The following EBF2 variants were observed in gnomAD, a reference collection of about 807,000 sequenced individuals.
EBF2 encodes the protein transcription factor COE2.
In EBF2, 21 loss-of-function variants were observed where a neutral mutation model predicts 72.8. The ratio of observed to expected loss-of-function variants is 0.29; its 90% CI spans 0.20 to 0.42. The LOEUF is 0.42. Ranked by LOEUF, EBF2 falls within the 10% of genes least tolerant of loss-of-function variation. The pLI is 1.00. For synonymous variants in EBF2, 299 were observed against 274.2 expected, an observed-to-expected ratio of 1.09 and a Z score of -0.89; for missense variants, 637 against 731.2, an observed-to-expected ratio of 0.87 and a Z score of 1.49.
At chr8:25,888,851 A>G (rs1404452689) in intron 8 of EBF2, among the ~76,000 whole-genome samples, 1 of 152,224 alleles carries the variant, frequency 6.6e-6, no homozygotes, top group Non-Finnish European at 1.5e-5. Flanking sequence ...CCCTTTGAAC[A>G]GCCAGTCAAT....
At chr8:25,851,201 C>T (rs113539283) in intron 14 of EBF2, among the ~76,000 whole-genome samples, 2,052 of 149,138 alleles carry the variant, frequency 0.014, 15 homozygotes, top group Non-Finnish European at 0.021. Flanking sequence ...GAGCTATGTG[C>T]CTCCCCCATA....
rs751927912 is a variant in EBF2, at chr8:25,861,141, C to T, written c.1250G>A (p.Ser417Asn). The change falls in exon 13 of 16, where the codon AGC (serine) becomes AAC (asparagine). Residue 417 changes from serine to asparagine, a missense_variant. This residue lies in a region of EBF2 where 259 missense variants were observed against 268.1 expected (regional missense o/e 0.97). Transcript: ENST00000520164. ...CATCATGCCACTGTGCGCTGGGGAG[C>T]TAGAGAGGGCTGGAAGCTGGCTGGG... is the stretch of plus-strand genomic sequence containing the variant. ...RNPSQLPALSSSPAHSGMMGI... is the reference protein window; with the variant it reads ...RNPSQLPALSNSPAHSGMMGI... 2 of 1,614,030 alleles carry T rather than the reference C, an allele frequency of 1.2e-6. No individual in the cohort carries two copies. The highest frequency in any genetic ancestry group is 1.3e-5 in the African/African-American group (1 of 74,924).
chr8:25,882,854 A>G (rs1374187768), intron 10 of EBF2, among the ~76,000 whole-genome samples: 1 of 152,260 alleles, frequency 6.6e-6, no homozygotes, highest in Admixed American at 6.5e-5. Flanking sequence ...GCCTGAGCAT[A>G]GAGCTCAATG....
At chr8:25,954,983 G>C (rs1238596397) in intron 6 of EBF2, among the ~76,000 whole-genome samples, 1 of 152,238 alleles carries the variant, frequency 6.6e-6, no homozygotes, top group Admixed American at 6.5e-5. Flanking sequence ...CTCAGACGCA[G>C]CGCGCCAGGT....
Position 25,935,950 on chromosome 8 carries a change from G to A in EBF2, c.552-27395C>T, listed in dbSNP as rs550001596. Among the ~76,000 whole-genome samples, 5 of 152,304 alleles carry A rather than the reference G, an allele frequency of 3.3e-5. No individual in the cohort carries two copies. The East Asian group carries it at 5.8e-4, about 18-fold the overall frequency. Reference sequence around the variant, plus strand: ...AGAAAGGAAATTAAAATAAAAGCCCGTTCAAGTCCGCTCGGCTGTGGAAGG... The same window carrying A: ...AGAAAGGAAATTAAAATAAAAGCCCATTCAAGTCCGCTCGGCTGTGGAAGG... On this transcript the variant is annotated intron_variant, in intron 6 of 15. Coordinates refer to ENST00000520164, the MANE Select transcript of EBF2 (RefSeq NM_022659.4).
At chr8:25,895,638 G>A (rs1802853664) in intron 7 of EBF2, among the ~76,000 whole-genome samples, 1 of 152,084 alleles carries the variant, frequency 6.6e-6, no homozygotes, top group Admixed American at 6.6e-5. Flanking sequence ...TTCCCCAAAA[G>A]TTCTCCCATG....
intron 14 of EBF2, among the ~76,000 whole-genome samples, chr8:25,852,394 G>A (rs1362624997): frequency 6.6e-6 from 1 of 152,120 alleles, no homozygotes; most frequent in Non-Finnish European, 1.5e-5. Flanking sequence ...GGACTTAGGA[G>A]GCCCTGATTC....
intron 14 of EBF2, among the ~76,000 whole-genome samples, chr8:25,855,105 CAAAGT>C (rs1177449935): frequency 6.6e-6 from 1 of 152,088 alleles, no homozygotes; most frequent in Non-Finnish European, 1.5e-5. Flanking sequence ...GGATAGAGGC[CAAAGT>C]AAAGAAAAGT....
intron 6 of EBF2, among the ~76,000 whole-genome samples, chr8:26,005,589 G>A (rs1408280488): frequency 3.8e-5 from 3 of 79,720 alleles, no homozygotes; most frequent in Non-Finnish European, 7.1e-5. Context: ...GGTATTTTGG[G>A]AACTAAGGCA....
At chr8:25,963,016 A>G (rs1804059473) in intron 6 of EBF2, among the ~76,000 whole-genome samples, 1 of 152,198 alleles carries the variant, frequency 6.6e-6, no homozygotes, top group Non-Finnish European at 1.5e-5. Context: ...AGTTTAAGGA[A>G]TAAATCCAAT....
At chr8:25,935,957 T>C (rs1803572045) in intron 6 of EBF2, among the ~76,000 whole-genome samples, 1 of 152,184 alleles carries the variant, frequency 6.6e-6, no homozygotes, top group Non-Finnish European at 1.5e-5. Context: ...CCCGTTCAAG[T>C]CCGCTCGGCT....
chr8:25,887,284 A>C (rs1170566971), intron 9 of EBF2, among the ~76,000 whole-genome samples: 2 of 151,886 alleles, frequency 1.3e-5, no homozygotes, highest in Non-Finnish European at 2.9e-5. Flanking sequence ...TCCTCTGCTG[A>C]ACTCCTATCC....
At chr8:25,851,101 GAAGACTGAGATCA>G (rs1801959930) in intron 14 of EBF2, among the ~76,000 whole-genome samples, 1 of 152,024 alleles carries the variant, frequency 6.6e-6, no homozygotes, top group Admixed American at 6.6e-5. Flanking sequence ...TGGCAAGAGA[GAAGACTGAGATCA>G]AACATGCCTG....
At position 25,887,829 on chromosome 8, in the gene EBF2, T is replaced by C. The variant is rs1355932543; in HGVS notation, c.882+13A>G. 6.3e-7 allele frequency: 1 copy of C among 1,583,278 alleles called. No homozygotes were observed. The highest frequency in any genetic ancestry group is 8.6e-7 in the Non-Finnish European group (1 of 1,165,524). On this transcript the variant is annotated intron_variant, in intron 9 of 15. Transcript: ENST00000520164. ...CAAAAGGAAATCAGAGTAAGCCTGT[T>C]GCCTCTGCTTACCTCGCTCCATACA...
chr8:26,030,520 A>G (rs1195479969), intron 6 of EBF2, among the ~76,000 whole-genome samples: 1 of 152,122 alleles, frequency 6.6e-6, no homozygotes, highest in East Asian at 1.9e-4. Flanking sequence ...GCACATGTAT[A>G]CATATGTAAC....
At chr8:25,983,612 A>G (rs567212020) in intron 6 of EBF2, among the ~76,000 whole-genome samples, 1 of 152,300 alleles carries the variant, frequency 6.6e-6, no homozygotes, top group East Asian at 1.9e-4. Flanking sequence ...CTGGAATGAC[A>G]GGAAAAGCCA....
intron 14 of EBF2, among the ~76,000 whole-genome samples, chr8:25,853,886 TAA>T (rs1452969344): frequency 6.6e-5 from 10 of 152,086 alleles, no homozygotes; most frequent in Admixed American, 6.6e-4. Flanking sequence ...CTTTAATTTT[TAA>T]AAATACAAAT....
chr8:25,931,667 G>A (rs768657236), intron 6 of EBF2, among the ~76,000 whole-genome samples: 2 of 152,142 alleles, frequency 1.3e-5, no homozygotes, highest in Admixed American at 6.5e-5. Flanking sequence ...AATAAACAGT[G>A]ATGGATGGTT....
rs531397539 is a variant in EBF2 at position 25,935,688 on chromosome 8, C to T, written c.552-27133G>A. 7.2e-5 allele frequency among the ~76,000 whole-genome samples: 11 copies of T among 152,314 alleles called. No homozygotes were observed. In the Middle Eastern group the frequency reaches 0.01, roughly 141 times the overall value. ...ATGCACCAGTGTTCCTGACCTTCCCCGCATCTCTGCTGAATGCACCCAGCA... is the reference window on the plus strand; with the variant it reads ...ATGCACCAGTGTTCCTGACCTTCCCTGCATCTCTGCTGAATGCACCCAGCA... On this transcript the variant is annotated intron_variant, in intron 6 of 15. Coordinates refer to ENST00000520164, the MANE Select transcript of EBF2 (RefSeq NM_022659.4).
Sources: allele counts gnomAD v4.1 joint callset (sites outside exome capture counted in the v4.1 genomes callset), GRCh38; gene constraint gnomAD v4.1.1; regional missense constraint gnomAD v4.1.1; transcripts MANE v1.5; gene names NCBI Gene and HGNC (gene_info 2026-07-23, HGNC 2026-07-21).